The following RRH variants were observed in gnomAD, a reference collection of about 807,000 sequenced individuals.
RRH encodes visual pigment-like receptor peropsin.
A neutral mutation model predicts 33.1 loss-of-function variants in RRH; 36 were observed. The ratio of observed to expected loss-of-function variants is 1.09; its 90% confidence interval spans 0.83 to 1.44. The LOEUF (loss-of-function observed/expected upper bound fraction) is 1.44. RRH is among the 40% of genes most tolerant of loss of function. The probability of loss-of-function intolerance (pLI) is 0.00; values close to 1 mark genes in which losing one functional copy is unlikely to be tolerated. For missense variants in RRH, 393 were observed against 420.2 expected (o/e 0.94, Z 0.57); for synonymous variants, 124 against 140.2 (o/e 0.88, Z 0.82).
chr4:109,839,065 C>T (rs1218138507), intron 5 of RRH, among the ~76,000 whole-genome samples: 2 of 148,148 alleles, frequency 1.3e-5, no homozygotes, highest in African/African-American at 2.6e-5. Context: ...AATTTTCTCT[C>T]CTATATTGTC....
Position 109,835,357 on chromosome 4 carries a change from G to A in RRH, c.298-9G>A. On this transcript the variant is annotated splice_polypyrimidine_tract_variant and intron_variant, in intron 2 of 6. Coordinates refer to ENST00000317735, the MANE Select transcript of RRH (RefSeq NM_006583.5). ...AGAATGGTAGAGTCTTTTCAATTTTGGTTTTCAGGTTTATGCTGGATTGAA... is the reference window on the plus strand; with the variant it reads ...AGAATGGTAGAGTCTTTTCAATTTTAGTTTTCAGGTTTATGCTGGATTGAA... 6.3e-7 allele frequency: 1 copy of A among 1,595,082 alleles called. No individual in the cohort carries two copies. The highest frequency in any genetic ancestry group is 1.3e-5 in the African/African-American group (1 of 74,642).
chr4:109,839,274 A>T (rs1284247859), intron 5 of RRH, among the ~76,000 whole-genome samples: 1 of 152,162 alleles, frequency 6.6e-6, no homozygotes. Flanking sequence ...AACAATATTA[A>T]TGTAAAAATT....
At chr4:109,834,030 G>A (rs1174159463) in intron 2 of RRH, among the ~76,000 whole-genome samples, 1 of 152,138 alleles carries the variant, frequency 6.6e-6, no homozygotes, top group Non-Finnish European at 1.5e-5. Flanking sequence ...GCCACCGCAT[G>A]CCATCTTCAA....
chr4:109,840,981 A>C (rs962116910), intron 5 of RRH, among the ~76,000 whole-genome samples: 1 of 152,118 alleles, frequency 6.6e-6, no homozygotes, highest in African/African-American at 2.4e-5. Flanking sequence ...CTAATCAAAA[A>C]AATTTTTTTT....
chr4:109,844,603 A>G lies in RRH; in HGVS notation c.*406A>G, dbSNP rs1264216153. The G allele has an allele frequency of 1.9e-5, 3 of 157,316 alleles. No homozygotes were observed. The highest frequency in any genetic ancestry group is 4.2e-5 in the Non-Finnish European group (3 of 71,098). The allele number at this position is 157,316 out of a possible 1,614,324, so 9.7% of individuals were successfully genotyped here. A position where few individuals can be genotyped will look rare whatever the true frequency, so the allele number is the denominator to read the frequency against. On this transcript the variant is annotated 3_prime_UTR_variant, in exon 7 of 7. Transcript: ENST00000317735. Reference sequence around the variant, plus strand: ...GAGTTGTTGGATGTTCCCAGTTAGAATAGAAAGCATTTTTTGAATTTCAAC... The same window carrying G: ...GAGTTGTTGGATGTTCCCAGTTAGAGTAGAAAGCATTTTTTGAATTTCAAC...
At chr4:109,829,218 T>C (rs372102301) in intron 1 of RRH, among the ~76,000 whole-genome samples, 52 of 152,208 alleles carry the variant, frequency 3.4e-4, no homozygotes, top group African/African-American at 1.2e-3. Context: ...GTATTACTTC[T>C]AGTACTGGAA....
intron 1 of RRH, among the ~76,000 whole-genome samples, chr4:109,828,662 G>A (rs748699529): frequency 2.6e-5 from 4 of 152,000 alleles, no homozygotes; most frequent in Non-Finnish European, 5.9e-5. Flanking sequence ...TATTGTCATT[G>A]AGGACAGAGT....
intron 5 of RRH, among the ~76,000 whole-genome samples, chr4:109,841,259 T>C (rs184029640): frequency 6.6e-6 from 1 of 152,272 alleles, no homozygotes; most frequent in African/African-American, 2.4e-5. Flanking sequence ...GGCAGATCAG[T>C]TCCTTTCATG....
At chr4:109,833,004 C>T (rs1733790717) in intron 1 of RRH, 135 bp from the exon 2 acceptor site, 1 of 722,298 alleles carries the variant, frequency 1.4e-6, no homozygotes, top group Non-Finnish European at 2.4e-6. Flanking sequence ...GTTTTAAGAA[C>T]AGCAGGAGCT....
At chr4:109,841,234 A>T (rs978311721) in intron 5 of RRH, among the ~76,000 whole-genome samples, 4 of 152,128 alleles carry the variant, frequency 2.6e-5, no homozygotes, top group African/African-American at 9.7e-5. Flanking sequence ...CTATATCTTT[A>T]GGTATTTTAT....
chr4:109,839,324 C>T (rs185774584), intron 5 of RRH, among the ~76,000 whole-genome samples: 22 of 152,146 alleles, frequency 1.4e-4, no homozygotes, highest in Admixed American at 4.6e-4. Context: ...AAACAGGATC[C>T]GACCCTGCAC....
rs776429708 is a variant in RRH at position 109,835,372 on chromosome 4, G to A, written c.304G>A (p.Ala102Thr). 6.8e-6 allele frequency: 11 copies of A among 1,613,232 alleles called. No homozygotes were observed. The highest frequency in any genetic ancestry group is 8.5e-6 in the Non-Finnish European group (10 of 1,179,282). Residue 102 changes from alanine (A) to threonine (T), a missense_variant, in exon 3 of 7, where the codon GCT becomes ACT. By Grantham distance (58) the Ala-to-Thr change is moderately conservative. Transcript: ENST00000317735. ...TTTCAATTTTGGTTTTCAGGTTTAT[G>A]CTGGATTGAATATTTTTTTTGGAAT... The part of the protein sequence containing the change: ...KFGYAGCQVY[A>T]GLNIFFGMAS...
In RRH at chr4:109,837,570, A is replaced by G; in HGVS notation, c.685A>G (p.Asn229Asp). Residue 229 changes from asparagine to aspartate, a missense_variant, in exon 5 of 7, where the codon AAC (asparagine) becomes GAC (aspartate). Physicochemically the swap from Asn to Asp is conservative, Grantham distance 23. Transcript: ENST00000317735. ...HTTSDCTESL[N>D]RDWSDQIDVT... The stretch of plus-strand genomic sequence containing the variant: ...TACCAGTGACTGCACTGAGTCCCTC[A>G]ACAGAGACTGGTCAGATCAGATAGA... 1.9e-6 allele frequency: 3 copies of G among 1,614,054 alleles called. No homozygotes were observed. In the South Asian group the frequency reaches 3.3e-5, roughly 18 times the overall value.
chr4:109,833,302 T>C lies in RRH; in HGVS notation c.270T>C (p.Ser90=), dbSNP rs544335225. 10 of 1,614,002 alleles carry C rather than the reference T, an allele frequency of 6.2e-6. No individual in the cohort carries two copies. In the African/African-American group the frequency reaches 9.3e-5, roughly 15 times the overall value. Residue 90 remains serine, a synonymous_variant, in exon 2 of 7, where the codon AGT becomes AGC. Coordinates refer to ENST00000317735, the MANE Select transcript of RRH (RefSeq NM_006583.5). ...CTGCTGCCTCAGATCTGTATGGAAG[T>C]TGGAAATTTGGATACGCAGGCTGTC... is the stretch of plus-strand genomic sequence containing the variant. ...PMSAASDLYG[S]WKFGYAGCQV... is the part of the protein sequence containing the mutation.
At chr4:109,831,412 C>T (rs1212761439) in intron 1 of RRH, among the ~76,000 whole-genome samples, 2 of 152,136 alleles carry the variant, frequency 1.3e-5, no homozygotes, top group Non-Finnish European at 2.9e-5. Context: ...TGCTGTATGT[C>T]ACGTATTCAA....
At chr4:109,829,253 C>T (rs1459640889) in intron 1 of RRH, among the ~76,000 whole-genome samples, 4 of 151,836 alleles carry the variant, frequency 2.6e-5, no homozygotes, top group Non-Finnish European at 4.4e-5. Context: ...TTAAGTTTTG[C>T]GATTTTAGTG....
chr4:109,841,506 A>G (rs935089658), intron 5 of RRH, among the ~76,000 whole-genome samples: 4 of 152,044 alleles, frequency 2.6e-5, no homozygotes, highest in African/African-American at 9.7e-5. Context: ...AGGGGTAAAG[A>G]TTTGGAAGTC....
At chr4:109,831,735 G>A (rs1473433862) in intron 1 of RRH, among the ~76,000 whole-genome samples, 2 of 152,140 alleles carry the variant, frequency 1.3e-5, no homozygotes, top group Non-Finnish European at 2.9e-5. Context: ...TGCTTCTAGA[G>A]AGTGACAACA....
intron 2 of RRH, among the ~76,000 whole-genome samples, chr4:109,834,967 A>G (rs1054066086): frequency 2.0e-5 from 3 of 152,140 alleles, no homozygotes; most frequent in Non-Finnish European, 4.4e-5. Context: ...TATGTTATAA[A>G]CATTCAAATG....
Sources: gnomAD v4.1 joint callset for allele counts (sites outside exome capture counted in the v4.1 genomes callset) on GRCh38, gnomAD v4.1.1 for gene constraint, MANE v1.5 for transcripts, NCBI Gene and HGNC (gene_info 2026-07-23, HGNC 2026-07-21) for gene names.